Variants in RELA observed in about 807,000 individuals in gnomAD.
RELA encodes RELA proto-oncogene, NF-kB subunit.
RELA carries 14 observed loss-of-function variants against 56.7 expected under a neutral mutation model. The observed-to-expected ratio is 0.25, with a 90% confidence interval of 0.16 to 0.39. RELA has a LOEUF of 0.39. RELA is among the 10% of genes least tolerant of loss of function. RELA has a pLI of 1.00. For missense variants in RELA, 559 were observed against 736.4 expected (o/e 0.76, Z 2.79); for synonymous variants, 315 against 289.7 (o/e 1.09, Z -0.89).
At chr11:65,655,964 T>G in intron 8 of RELA, 29 bp from the exon 9 acceptor site, 1 of 1,601,506 alleles carries the variant, frequency 6.2e-7, no homozygotes, top group African/African-American at 1.3e-5. Flanking sequence ...GAAGTGGGAC[T>G]TGCTCTCCTC....
In RELA at chr11:65,655,745, G is replaced by C. The variant is rs750957760; in HGVS notation, c.976C>G (p.Pro326Ala). The change falls in exon 10 of 11, where the codon CCT becomes GCT. Residue 326 changes from proline (P) to alanine (A), a missense_variant. By Grantham distance (27) the Pro-to-Ala change is conservative. Coordinates refer to ENST00000406246, the MANE Select transcript of RELA (RefSeq NM_021975.4). The part of the protein sequence containing the change: ...SPFSGPTDPR[P>A]PPRRIAVPSR... ...GGCACAGCAATGCGTCGAGGTGGAG[G>C]CCGGGGGTCGGTGGGTCCTGTAGGG... 2.5e-6 allele frequency: 4 copies of C among 1,614,000 alleles called. No homozygotes were observed. In the African/African-American group the frequency reaches 5.3e-5, roughly 22 times the overall value.
chr11:65,662,240 CCAATGCCCATTCTCA>C, intron 1 of RELA, 35 bp from the exon 2 acceptor site: 1 of 1,515,596 alleles, frequency 6.6e-7, no homozygotes, highest in Non-Finnish European at 8.8e-7. Flanking sequence ...CAGCACACAC[CCAATGCCCATTCTCA>C]CAAGGAGGAA....
Position 65,654,455 on chromosome 11 carries a change from G to A in RELA, c.1579C>T (p.Leu527Phe), listed in dbSNP as rs1856365302. 4 of 1,608,150 alleles carry A rather than the reference G, an allele frequency of 2.5e-6. No individual in the cohort carries two copies. Among genetic ancestry groups the A allele is most frequent in the Non-Finnish European group, 2.5e-6 (3 of 1,177,754 alleles). Residue 527 changes from leucine (L) to phenylalanine (F), a missense_variant, in exon 11 of 11, where the codon CTC becomes TTC. Transcript: ENST00000406246. ...GAGAAGTCTTCATCTCCTGAAAGGA[G>A]GCCATTGGGGAGCCCCGGGGCCCCC... Reference protein sequence around the residue: ...PLGAPGLPNGLLSGDEDFSSI... With the variant: ...PLGAPGLPNGFLSGDEDFSSI...
In RELA at chr11:65,658,364, C is replaced by T. The variant is rs1165809846; in HGVS notation, c.800G>A (p.Arg267His). 7.4e-6 allele frequency: 12 copies of T among 1,613,666 alleles called. No homozygotes were observed. The highest frequency in any genetic ancestry group is 1.6e-4 in the Middle Eastern group (1 of 6,072). Residue 267 changes from arginine (R) to histidine (H), a missense_variant, in exon 8 of 11, where the codon CGT becomes CAT. Physicochemically the swap from Arg to His is conservative, Grantham distance 29. Coordinates refer to ENST00000406246, the MANE Select transcript of RELA (RefSeq NM_021975.4). This position sits in a 1 kb window ranked among gnomAD's most constrained non-coding sequence, Gnocchi z 4.5. ...YADPSLQAPV[R>H]VSMQLRRPSD... ...AGGCCGCCGCAGCTGCATGGAGACACGCACAGGAGCCTGCAGGCTGGGGTC... is the reference window on the plus strand; with the variant it reads ...AGGCCGCCGCAGCTGCATGGAGACATGCACAGGAGCCTGCAGGCTGGGGTC...
chr11:65,658,812 G>A lies in RELA; in HGVS notation c.570C>T (p.Asn190=). The A allele has an allele frequency of 6.2e-7, 1 of 1,614,038 alleles. No individual in the cohort carries two copies. The highest frequency in any genetic ancestry group is 8.5e-7 in the Non-Finnish European group (1 of 1,179,960). The change falls in exon 7 of 11, where the codon AAC becomes AAT. Residue 190 remains asparagine, a synonymous_variant. Coordinates refer to ENST00000406246, the MANE Select transcript of RELA (RefSeq NM_021975.4). This position sits in a 1 kb window ranked among gnomAD's most constrained non-coding sequence, Gnocchi z 4.5. ...SHPIFDNRAP[N]TAELKICRVN... ...CTCGGCAGATCTTGAGCTCGGCAGTGTTGGGGGCACCTGAGGCAGTGAAAA... is the reference window on the plus strand; with the variant it reads ...CTCGGCAGATCTTGAGCTCGGCAGTATTGGGGGCACCTGAGGCAGTGAAAA...
chr11:65,658,773 A>G lies in RELA; in HGVS notation c.609T>C (p.Ser203=). The G allele has an allele frequency of 6.2e-7, 1 of 1,614,084 alleles. No individual in the cohort carries two copies. The highest frequency in any genetic ancestry group is 1.1e-5 in the South Asian group (1 of 91,076). The change falls in exon 7 of 11, where the codon TCT becomes TCC. Residue 203 remains serine, a synonymous_variant. Transcript: ENST00000406246. The surrounding 1 kb of genome is among the most constrained non-coding windows in gnomAD (Gnocchi z 4.5). ...TCTCATCCCCACCGAGGCAGCTGCC[A>G]GAGTTTCGGTTCACTCGGCAGATCT... ...ELKICRVNRN[S]GSCLGGDEIF...
intron 10 of RELA, 102 bp downstream of exon 10, chr11:65,655,586 T>C: frequency 8.8e-7 from 1 of 1,138,410 alleles, no homozygotes; most frequent in South Asian, 1.3e-5. Flanking sequence ...AAGCCTCTGA[T>C]TCAGTAGGTC....
chr11:65,658,230 C>CCT lies in RELA; in HGVS notation c.877+55_877+56dup. The CCT allele has an allele frequency of 7.4e-7, 1 of 1,347,236 alleles. No individual in the cohort carries two copies. Among genetic ancestry groups the CCT allele is most frequent in the Non-Finnish European group, 1.0e-6 (1 of 975,064 alleles). 83.5% of individuals were successfully genotyped at this position (1,347,236 alleles called of 1,614,324 possible). A position where few individuals can be genotyped will look rare whatever the true frequency, so the allele number is the denominator to read the frequency against. Reference sequence around the variant, plus strand: ...CACAGCCCCAGACATGCAGTCTTGGCCTCTCTCTCACGGCACAGAGCCCAG... The same window carrying CCT: ...CACAGCCCCAGACATGCAGTCTTGGCCTCTCTCTCTCACGGCACAGAGCCCAG... On this transcript the variant is annotated intron_variant, in intron 8 of 10. Coordinates refer to ENST00000406246, the MANE Select transcript of RELA (RefSeq NM_021975.4). This position sits in a 1 kb window ranked among gnomAD's most constrained non-coding sequence, Gnocchi z 4.5.
chr11:65,653,879 AGGAAG>A lies in RELA; in HGVS notation c.*494_*498del. 4.7e-6 allele frequency: 1 copy of A among 211,910 alleles called. No homozygotes were observed. The highest frequency in any genetic ancestry group is 5.5e-5 in the South Asian group (1 of 18,072). 13.1% of individuals were successfully genotyped at this position (211,910 alleles called of 1,614,324 possible). On this transcript the variant is annotated 3_prime_UTR_variant, in exon 11 of 11. Coordinates refer to ENST00000406246, the MANE Select transcript of RELA (RefSeq NM_021975.4). ...GAGCCGGCAGAGACCTCTGTAGGGCAGGAAGGCCAGCCCCTCAAACGCTGGTGTTA... is the reference window on the plus strand; with the variant it reads ...GAGCCGGCAGAGACCTCTGTAGGGCAGCCAGCCCCTCAAACGCTGGTGTTA...
Position 65,654,798 on chromosome 11 carries a change from G to A in RELA, c.1236C>T (p.Val412=). ...ALAQAPAPVP[V]LAPGPPQAVA... Reference sequence around the variant, plus strand: ...CAGCCTGAGGAGGGCCTGGGGCTAGGACTGGGACAGGGGCTGGGGCCTGGG... The same window carrying A: ...CAGCCTGAGGAGGGCCTGGGGCTAGAACTGGGACAGGGGCTGGGGCCTGGG... Residue 412 remains valine (V), a synonymous_variant, in exon 11 of 11, where the codon GTC becomes GTT. Coordinates refer to ENST00000406246, the MANE Select transcript of RELA (RefSeq NM_021975.4). 6.5e-7 allele frequency: 1 copy of A among 1,527,218 alleles called. No homozygotes were observed. Among genetic ancestry groups the A allele is most frequent in the Non-Finnish European group, 8.8e-7 (1 of 1,134,936 alleles). The allele number at this position is 1,527,218 out of a possible 1,614,324, so 94.6% of individuals were successfully genotyped here. A position where few individuals can be genotyped will look rare whatever the true frequency, so the allele number is the denominator to read the frequency against.
intron 10 of RELA, chr11:65,655,353 C>T (rs1360277163): frequency 1.7e-6 from 1 of 574,322 alleles, no homozygotes; most frequent in Non-Finnish European, 3.1e-6. Context: ...GCCTGAAGTG[C>T]AGAGCTTGTC....
In RELA at chr11:65,654,456, G is replaced by T; in HGVS notation, c.1578C>A (p.Gly526=). The stretch of plus-strand genomic sequence containing the variant: ...AGAAGTCTTCATCTCCTGAAAGGAG[G>T]CCATTGGGGAGCCCCGGGGCCCCCA... The part of the protein sequence containing the change: ...APLGAPGLPN[G]LLSGDEDFSS... The change falls in exon 11 of 11, where the codon GGC becomes GGA. Residue 526 remains glycine, a synonymous_variant. Transcript: ENST00000406246. 6.2e-7 allele frequency: 1 copy of T among 1,608,174 alleles called. No homozygotes were observed.
rs764163505 is a variant in RELA, at chr11:65,654,373, C to A, written c.*5G>T. On this transcript the variant is annotated 3_prime_UTR_variant, in exon 11 of 11. Transcript: ENST00000406246. ...AGTGCTCTGGGGAGGGCAGGCGTCA[C>A]CCCCTTAGGAGCTGATCTGACTCAG... The A allele has an allele frequency of 1.2e-6, 2 of 1,613,732 alleles. No individual in the cohort carries two copies. Among genetic ancestry groups the A allele is most frequent in the Non-Finnish European group, 1.7e-6 (2 of 1,179,862 alleles).
At position 65,658,763 on chromosome 11, in the gene RELA, G is replaced by C. The variant is rs1194237734; in HGVS notation, c.619C>G (p.Leu207Val). The part of the protein sequence containing the change: ...CRVNRNSGSC[L>V]GGDEIFLLCD... ...AGTAGGAAGATCTCATCCCCACCGA[G>C]GCAGCTGCCAGAGTTTCGGTTCACT... The change falls in exon 7 of 11, where the codon CTC (leucine) becomes GTC (valine). Residue 207 changes from leucine (L) to valine (V), a missense_variant. Leu to Val is a conservative substitution (Grantham distance 32). Coordinates refer to ENST00000406246, the MANE Select transcript of RELA (RefSeq NM_021975.4). The surrounding 1 kb of genome is among the most constrained non-coding windows in gnomAD (Gnocchi z 4.5). The C allele has an allele frequency of 1.2e-5, 19 of 1,614,026 alleles. No homozygotes were observed. Among genetic ancestry groups the C allele is most frequent in the Non-Finnish European group, 1.6e-5 (19 of 1,180,040 alleles).
At chr11:65,657,549 G>A (rs892179575) in intron 8 of RELA, among the ~76,000 whole-genome samples, 4 of 152,158 alleles carry the variant, frequency 2.6e-5, no homozygotes, top group Admixed American at 1.3e-4. Context: ...CTCAAACCAC[G>A]AAGGTGGCCC....
chr11:65,658,873 G>C lies in RELA; in HGVS notation c.560-51C>G. The C allele has an allele frequency of 2.0e-6, 3 of 1,503,274 alleles. No homozygotes were observed. Among genetic ancestry groups the C allele is most frequent in the South Asian group, 2.3e-5 (2 of 88,850 alleles). The allele number at this position is 1,503,274 out of a possible 1,614,324, so 93.1% of individuals were successfully genotyped here. A position where few individuals can be genotyped will look rare whatever the true frequency, so the allele number is the denominator to read the frequency against. ...TGACCTGAGCCACGAGAGGTCCCCAGGGTGGCCTGCAGGAGATGCAACTTC... is the reference window on the plus strand; with the variant it reads ...TGACCTGAGCCACGAGAGGTCCCCACGGTGGCCTGCAGGAGATGCAACTTC... On this transcript the variant is annotated intron_variant, in intron 6 of 10. Coordinates refer to ENST00000406246, the MANE Select transcript of RELA (RefSeq NM_021975.4). This position sits in a 1 kb window ranked among gnomAD's most constrained non-coding sequence, Gnocchi z 4.5.
Position 65,654,829 on chromosome 11 carries a change from G to A in RELA, c.1205C>T (p.Ala402Val). 2.6e-6 allele frequency: 4 copies of A among 1,549,570 alleles called. No homozygotes were observed. Among genetic ancestry groups the A allele is most frequent in the Non-Finnish European group, 2.6e-6 (3 of 1,143,956 alleles). The change falls in exon 11 of 11, where the codon GCT becomes GTT. Residue 402 changes from alanine (A) to valine (V), a missense_variant. Coordinates refer to ENST00000406246, the MANE Select transcript of RELA (RefSeq NM_021975.4). ...APAPAPAMVSALAQAPAPVPV... is the reference protein window; with the variant it reads ...APAPAPAMVSVLAQAPAPVPV... ...GACAGGGGCTGGGGCCTGGGCCAGA[G>A]CTGATACCATGGCTGGAGCAGGGGC...
chr11:65,654,981 A>G lies in RELA; in HGVS notation c.1053T>C (p.Phe351=), dbSNP rs1176314376. The part of the protein sequence containing the change: ...VPKPAPQPYP[F]TSSLSTINYD... ...AGTTGATGGTGCTCAGGGATGACGT[A>G]AAGGGATAGGGCTGGGGTGCTGGAG... is the stretch of plus-strand genomic sequence containing the variant. The change falls in exon 11 of 11, where the codon TTT becomes TTC. Residue 351 remains phenylalanine, a synonymous_variant. Coordinates refer to ENST00000406246, the MANE Select transcript of RELA (RefSeq NM_021975.4). 1.9e-6 allele frequency: 3 copies of G among 1,601,876 alleles called. 1 individual carries two copies. In the South Asian group the frequency reaches 3.4e-5, roughly 18 times the overall value.
intron 4 of RELA, 131 bp from the exon 5 acceptor site, chr11:65,660,346 C>T (rs1590937776): frequency 1.3e-6 from 1 of 777,004 alleles, no homozygotes. Flanking sequence ...CCAGTGGCTT[C>T]CTACTGTGCT....
Sources: allele counts gnomAD v4.1 joint callset (sites outside exome capture counted in the v4.1 genomes callset), GRCh38; gene constraint gnomAD v4.1.1; non-coding constraint Gnocchi (gnomAD v3.1); transcripts MANE v1.5; gene names NCBI Gene and HGNC (gene_info 2026-07-23, HGNC 2026-07-21).